Variants in MAT1A observed in about 807,000 individuals in gnomAD.
MAT1A encodes the protein S-adenosylmethionine synthase isoform type-1.
MAT1A carries 19 observed loss-of-function variants against 44.0 expected under a neutral mutation model. That is an observed-to-expected ratio of 0.43 (90% CI 0.30 to 0.63). The LOEUF (loss-of-function observed/expected upper bound fraction) is 0.63. Ranked by LOEUF, MAT1A falls within the 30% of genes least tolerant of loss-of-function variation. The pLI is 0.12. For missense variants in MAT1A, 397 were observed against 531.0 expected, an observed-to-expected ratio of 0.75 and a Z score of 2.48; for synonymous variants, 205 against 205.6, an observed-to-expected ratio of 1.00 and a Z score of 0.03.
At chr10:80,279,382 G>A (rs1176213432) in intron 5 of MAT1A, among the ~76,000 whole-genome samples, 1 of 152,092 alleles carries the variant, frequency 6.6e-6, no homozygotes, top group Non-Finnish European at 1.5e-5. Context: ...AGGCTCTCAG[G>A]GCCCATCTGC....
At position 80,275,022 on chromosome 10, in the gene MAT1A, C is replaced by A; in HGVS notation, c.946G>T (p.Val316Phe). The A allele has an allele frequency of 1.3e-6, 2 of 1,552,362 alleles. No homozygotes were observed. The highest frequency in any genetic ancestry group is 1.7e-6 in the Non-Finnish European group (2 of 1,148,406). The change falls in exon 7 of 9, where the codon GTC (valine) becomes TTC (phenylalanine). Residue 316 changes from valine to phenylalanine, a missense_variant. Physicochemically the swap from Val to Phe is conservative, Grantham distance 50. Coordinates refer to ENST00000372213, the MANE Select transcript of MAT1A (RefSeq NM_000429.3). ...GGTGGGTGGAGGGGGCTTACCTGGA[C>A]AAGCACTCTCCGGCAGAGCCCTGCT... ...VKAGLCRRVL[V>F]QVSYAIGVAE...
intron 5 of MAT1A, among the ~76,000 whole-genome samples, chr10:80,276,965 G>T (rs1841497304): frequency 6.6e-6 from 1 of 152,198 alleles, no homozygotes; most frequent in African/African-American, 2.4e-5. Context: ...AGCCCAGGAG[G>T]TATCTCTCCT....
In MAT1A at chr10:80,273,407, G is replaced by C. The variant is rs1841436213; in HGVS notation, c.*374C>G. On this transcript the variant is annotated 3_prime_UTR_variant, in exon 9 of 9. Coordinates refer to ENST00000372213, the MANE Select transcript of MAT1A (RefSeq NM_000429.3). ...CCCACAAGGAGCCCTGAGGCCTGTT[G>C]AGATGTGCTGACCTCACCTGGCACA... The C allele has an allele frequency of 3.1e-6, 1 of 321,600 alleles. No homozygotes were observed. The highest frequency in any genetic ancestry group is 6.1e-6 in the Non-Finnish European group (1 of 163,968). The allele number at this position is 321,600 out of a possible 1,614,324, so 19.9% of individuals were successfully genotyped here.
In MAT1A at chr10:80,285,608, G is replaced by C. The variant is rs1271586626; in HGVS notation, c.92-19C>G. 2 of 1,539,094 alleles carry C rather than the reference G, an allele frequency of 1.3e-6. No individual in the cohort carries two copies. Among genetic ancestry groups the C allele is most frequent in the African/African-American group, 2.7e-5 (2 of 73,336 alleles). On this transcript the variant is annotated intron_variant, in intron 1 of 8. Transcript: ENST00000372213. ...ATCTTATCTGGACAAGAGCAAATAT[G>C]GGTCAGAATCACAAAAATATTCGGG...
At position 80,271,978 on chromosome 10, in the gene MAT1A, A is replaced by G. The variant is rs1401939030; in HGVS notation, c.*1803T>C. The G allele has an allele frequency of 2.0e-5, 3 of 152,160 alleles. No individual in the cohort carries two copies. In the East Asian group the frequency reaches 5.8e-4, roughly 29 times the overall value. 9.4% of individuals were successfully genotyped at this position (152,160 alleles called of 1,614,324 possible). On this transcript the variant is annotated 3_prime_UTR_variant, in exon 9 of 9. Transcript: ENST00000372213. ...TTTCATGTCGAGTGTGAGCCAAGTTAGAGGAACTTGGCCACCTGCAAACCA... is the reference window on the plus strand; with the variant it reads ...TTTCATGTCGAGTGTGAGCCAAGTTGGAGGAACTTGGCCACCTGCAAACCA...
rs202175739 is a variant in MAT1A, at chr10:80,276,462, T to G, written c.682A>C (p.Arg228=). The G allele has an allele frequency of 1.2e-6, 2 of 1,614,184 alleles. No homozygotes were observed. The highest frequency in any genetic ancestry group is 1.7e-5 in the Admixed American group (1 of 60,032). The change falls in exon 6 of 9, where the codon AGG becomes CGG. Residue 228 remains arginine (R), a synonymous_variant. Transcript: ENST00000372213. ...MRRALKEQVI[R]AVVPAKYLDE... is the part of the protein sequence containing the mutation. ...AGGTACTTGGCCGGCACCACGGCCC[T>G]GATGACTTGCTCCTTCAGGGCCCTG...
At position 80,274,625 on chromosome 10, in the gene MAT1A, G is replaced by A. The variant is rs1841456403; in HGVS notation, c.980C>T (p.Pro327Leu). 2 of 1,614,184 alleles carry A rather than the reference G, an allele frequency of 1.2e-6. No homozygotes were observed. Among genetic ancestry groups the A allele is most frequent in the Non-Finnish European group, 1.7e-6 (2 of 1,180,026 alleles). ...QVSYAIGVAE[P>L]LSISIFTYGT... ...GTAGGTGAAGATGGAAATGGACAGC[G>A]GCTCGGCCACACCAATGGCATAGGA... Residue 327 changes from proline to leucine, a missense_variant, in exon 8 of 9, where the codon CCG becomes CTG. By Grantham distance (98) the Pro-to-Leu change is moderately conservative (BLOSUM62 -3). Transcript: ENST00000372213.
At chr10:80,284,538 C>T (rs1430323120) in intron 2 of MAT1A, among the ~76,000 whole-genome samples, 1 of 152,200 alleles carries the variant, frequency 6.6e-6, no homozygotes, top group Non-Finnish European at 1.5e-5. Flanking sequence ...TTCAGAGGGG[C>T]ATGAGTCCCT....
rs1841434244 is a variant in MAT1A, at chr10:80,273,275, A to T, written c.*506T>A. 1 of 206,548 alleles carries T rather than the reference A, an allele frequency of 4.8e-6. No individual in the cohort carries two copies. The highest frequency in any genetic ancestry group is 9.8e-6 in the Non-Finnish European group (1 of 101,650). 12.8% of individuals were successfully genotyped at this position (206,548 alleles called of 1,614,324 possible). ...CGCACATTACAGGTGCTTAGGAGAC[A>T]TCAGTCCTGCTCTAACCCCTGCCAC... On this transcript the variant is annotated 3_prime_UTR_variant, in exon 9 of 9. Coordinates refer to ENST00000372213, the MANE Select transcript of MAT1A (RefSeq NM_000429.3).
chr10:80,289,324 C>T lies in MAT1A; in HGVS notation c.91+9G>A, dbSNP rs764528673. 1.9e-6 allele frequency: 3 copies of T among 1,611,668 alleles called. No homozygotes were observed. Among genetic ancestry groups the T allele is most frequent in the South Asian group, 2.2e-5 (2 of 91,030 alleles). On this transcript the variant is annotated intron_variant, in intron 1 of 8. Transcript: ENST00000372213. ...TCGTTTTCCAGTCAGTCCAAGACAG[C>T]CTACTTACCCGGGTGTCCCTCTCCC...
At chr10:80,285,391 G>A (rs1841635195) in intron 2 of MAT1A, 121 bp downstream of exon 2, 2 of 802,214 alleles carry the variant, frequency 2.5e-6, no homozygotes, top group East Asian at 2.5e-5. Flanking sequence ...GAAATCTACT[G>A]CAGAGCAGAG....
intron 6 of MAT1A, 178 bp from the exon 7 acceptor site, chr10:80,275,377 C>T (rs1331914582): frequency 1.5e-6 from 1 of 648,314 alleles, no homozygotes; most frequent in African/African-American, 1.8e-5. Context: ...AGCTCAGTCA[C>T]TGACAACATA....
chr10:80,277,519 C>T (rs1263395448), intron 5 of MAT1A, among the ~76,000 whole-genome samples: 2 of 152,182 alleles, frequency 1.3e-5, no homozygotes, highest in Admixed American at 6.5e-5. Context: ...ACACAGACAT[C>T]GTGAGCTGAG....
intron 5 of MAT1A, among the ~76,000 whole-genome samples, chr10:80,277,462 G>A (rs1228259722): frequency 1.3e-5 from 2 of 152,218 alleles, no homozygotes; most frequent in Admixed American, 6.5e-5. Flanking sequence ...GAAGAAGTAG[G>A]AGAAAGAGTC....
chr10:80,276,505 G>A lies in MAT1A; in HGVS notation c.639C>T (p.Ile213=), dbSNP rs758760725. 7 of 1,614,184 alleles carry A rather than the reference G, an allele frequency of 4.3e-6. No homozygotes were observed. Among genetic ancestry groups the A allele is most frequent in the Non-Finnish European group, 5.9e-6 (7 of 1,180,052 alleles). Residue 213 remains isoleucine (I), a synonymous_variant, in exon 6 of 9, where the codon ATC becomes ATT. Coordinates refer to ENST00000372213, the MANE Select transcript of MAT1A (RefSeq NM_000429.3). ...GGGCCCTGCGCATCTCCTCCAGCGT[G>A]ATGTCTTCGTTGTGCTGCACAGAGA... ...IVISVQHNED[I]TLEEMRRALK...
At chr10:80,285,015 G>A (rs1164422672) in intron 2 of MAT1A, among the ~76,000 whole-genome samples, 2 of 152,138 alleles carry the variant, frequency 1.3e-5, no homozygotes, top group African/African-American at 4.8e-5. Context: ...ATTAAATGGG[G>A]GACACTAATT....
chr10:80,273,953 G>T, intron 8 of MAT1A, 70 bp from the exon 9 acceptor site: 1 of 1,127,428 alleles, frequency 8.9e-7, no homozygotes, highest in Non-Finnish European at 1.4e-6. Context: ...TCCATTTCAA[G>T]GACAGGAGGG....
intron 1 of MAT1A, among the ~76,000 whole-genome samples, chr10:80,289,093 G>A (rs111971518): frequency 6.6e-6 from 1 of 152,228 alleles, no homozygotes; most frequent in South Asian, 2.1e-4. Flanking sequence ...GGTGACTGAA[G>A]GGCTAGAAGA....
intron 1 of MAT1A, 127 bp downstream of exon 1, chr10:80,289,206 A>G: frequency 1.2e-6 from 1 of 813,660 alleles, no homozygotes; most frequent in Non-Finnish European, 2.2e-6. Context: ...TCATGGATCA[A>G]AACAACACAC....
Sources: gnomAD v4.1 joint callset for allele counts (sites outside exome capture counted in the v4.1 genomes callset) on GRCh38, gnomAD v4.1.1 for gene constraint, MANE v1.5 for transcripts, NCBI Gene and HGNC (gene_info 2026-07-23, HGNC 2026-07-21) for gene names.